Variants in GLIS3 observed in about 807,000 individuals in gnomAD.
GLIS3 encodes the protein zinc finger protein GLIS3.
A neutral mutation model predicts 78.6 loss-of-function variants in GLIS3; 53 were observed. The observed-to-expected ratio is 0.67, with a 90% CI of 0.54 to 0.85. The LOEUF (loss-of-function observed/expected upper bound fraction) is 0.85. Ranked by LOEUF, GLIS3 falls within the 40% of genes least tolerant of loss-of-function variation. The pLI is 0.00. For missense variants in GLIS3, 1,703 were observed against 1,231.1 expected (o/e 1.38, Z -5.74); for synonymous variants, 684 against 509.9 (o/e 1.34, Z -4.60).
At chr9:4,376,041 T>A in the GLIS3 span, among the ~76,000 whole-genome samples, 4,169 of 152,272 alleles carry the variant, frequency 0.027, 193 homozygotes, top group African/African-American at 0.095. Context: ...ATGAGACATA[T>A]GCTGAATTCT....
Position 3,987,423 on chromosome 9 carries a change from T to C in GLIS3, c.1711-50234A>G, listed in dbSNP as rs1819830267. On this transcript the variant is annotated intron_variant, in intron 4 of 10. Coordinates refer to ENST00000381971, the MANE Select transcript of GLIS3 (RefSeq NM_001042413.2). The stretch of plus-strand genomic sequence containing the variant: ...AAGAGTATATAAAGAAATAATGGGC[T>C]GGGTGCAGTGATTCACGCCTTTAAT... Among the ~76,000 whole-genome samples the C allele has an allele frequency of 2.0e-5, 3 of 151,998 alleles. No individual in the cohort carries two copies. In the South Asian group the frequency reaches 6.2e-4, roughly 32 times the overall value.
At chr9:4,376,695 T>C in the GLIS3 span, among the ~76,000 whole-genome samples, 3 of 132,112 alleles carry the variant, frequency 2.3e-5, 1 homozygote, top group African/African-American at 7.9e-5. Context: ...GCTCAACCTA[T>C]TGTAATCAAA....
At chr9:4,392,541 C>G in the GLIS3 span, among the ~76,000 whole-genome samples, 1 of 152,242 alleles carries the variant, frequency 6.6e-6, no homozygotes, top group East Asian at 1.9e-4. Context: ...AGTCAATTAC[C>G]TTTCACTATG....
chr9:4,132,027 A>G (rs866250811), intron 2 of GLIS3, among the ~76,000 whole-genome samples: 32 of 151,958 alleles, frequency 2.1e-4, no homozygotes, highest in South Asian at 8.4e-4. Flanking sequence ...TTTCTGCTTT[A>G]AGTCTACGGC....
intron 3 of GLIS3, among the ~76,000 whole-genome samples, chr9:4,121,303 A>C (rs1427057445): frequency 6.6e-6 from 1 of 152,198 alleles, no homozygotes; most frequent in East Asian, 1.9e-4. Flanking sequence ...AATGTGTCTT[A>C]AATGTAGTTA....
chr9:4,036,954 G>A (rs866364969), intron 4 of GLIS3, among the ~76,000 whole-genome samples: 10 of 152,130 alleles, frequency 6.6e-5, no homozygotes, highest in Middle Eastern at 3.2e-3. Context: ...TCCTATCGAA[G>A]TTACTACCCC....
chr9:4,064,333 AATAAG>A (rs1401900766), intron 4 of GLIS3, among the ~76,000 whole-genome samples: 1 of 152,190 alleles, frequency 6.6e-6, no homozygotes, highest in African/African-American at 2.4e-5. Context: ...AACCTTCTTA[AATAAG>A]ATAAAAATAC....
intron 7 of GLIS3, among the ~76,000 whole-genome samples, chr9:3,888,866 T>C (rs1822245598): frequency 1.3e-5 from 2 of 152,216 alleles, no homozygotes; most frequent in Admixed American, 1.3e-4. Flanking sequence ...GTATCTGGAA[T>C]GGAGGGTTCA....
chr9:4,012,830 C>T (rs601189), intron 4 of GLIS3, among the ~76,000 whole-genome samples: 15,086 of 130,528 alleles, frequency 0.12, 2,521 homozygotes, highest in African/African-American at 0.37. Context: ...TGGAGTGCAA[C>T]GGCACAATCT....
chr9:4,156,057 T>C (rs1369180808), intron 2 of GLIS3, among the ~76,000 whole-genome samples: 1 of 152,066 alleles, frequency 6.6e-6, no homozygotes, highest in African/African-American at 2.4e-5. Context: ...CAGTTTCAGG[T>C]GGAGAAGTAC....
intron 4 of GLIS3, among the ~76,000 whole-genome samples, chr9:4,011,213 G>A (rs1054426306): frequency 1.4e-4 from 22 of 152,264 alleles, no homozygotes; most frequent in South Asian, 6.2e-4. Flanking sequence ...TAACGTGTGC[G>A]CAGAGTACAA....
intron 3 of GLIS3, chr9:4,123,882 T>C (rs1398711158): frequency 2.5e-6 from 1 of 397,886 alleles, no homozygotes; most frequent in Non-Finnish European, 4.4e-6. Context: ...GGAAAAACAA[T>C]ACATTTTGCA....
At chr9:4,203,711 C>T (rs1355530795) in intron 2 of GLIS3, among the ~76,000 whole-genome samples, 1 of 151,960 alleles carries the variant, frequency 6.6e-6, no homozygotes, top group Non-Finnish European at 1.5e-5. Context: ...ACCTAGGTGC[C>T]CCCGTCAGTG....
At chr9:4,382,093 G>C in the GLIS3 span, among the ~76,000 whole-genome samples, 1 of 151,984 alleles carries the variant, frequency 6.6e-6, no homozygotes, top group East Asian at 1.9e-4. Flanking sequence ...TTCCCTTTTT[G>C]CTTCTTTAGC....
the GLIS3 span, among the ~76,000 whole-genome samples, chr9:4,464,857 TG>T: frequency 2.6e-5 from 4 of 152,216 alleles, no homozygotes; most frequent in Non-Finnish European, 4.4e-5. Flanking sequence ...ACTTCACATT[TG>T]AGTTTAAACC....
chr9:3,931,871 T>G (rs1825642279), intron 6 of GLIS3, among the ~76,000 whole-genome samples: 1 of 152,234 alleles, frequency 6.6e-6, no homozygotes, highest in Admixed American at 6.5e-5. Flanking sequence ...TTCTCTAAGC[T>G]TAAAGAATGC....
At chr9:4,260,628 C>T (rs971654823) in intron 2 of GLIS3, among the ~76,000 whole-genome samples, 1 of 151,594 alleles carries the variant, frequency 6.6e-6, no homozygotes. Flanking sequence ...TACCTGTAGT[C>T]CCAGCTACTC....
chr9:4,259,583 C>T (rs1272128406), intron 2 of GLIS3, among the ~76,000 whole-genome samples: 1 of 152,202 alleles, frequency 6.6e-6, no homozygotes, highest in African/African-American at 2.4e-5. Flanking sequence ...CCTTCGTCCT[C>T]AGGGCAAACT....
chr9:4,285,707 C>A (rs7875253), intron 2 of GLIS3: 240,817 of 329,790 alleles, frequency 0.73, 88,591 homozygotes, highest in Admixed American at 0.74. Context: ...GCAGCGCTAC[C>A]TGTATCCGGA....
Sources: allele counts gnomAD v4.1 joint callset (sites outside exome capture counted in the v4.1 genomes callset), GRCh38; gene constraint gnomAD v4.1.1; transcripts MANE v1.5; gene names NCBI Gene and HGNC (gene_info 2026-07-23, HGNC 2026-07-21).